Variants in NBPF12 observed in about 807,000 individuals in gnomAD.
NBPF12 encodes the protein NBPF family member NBPF12.
A neutral mutation model predicts 146.4 loss-of-function variants in NBPF12; 115 were observed. That is an observed-to-expected ratio of 0.79 (90% CI 0.68 to 0.92). The LOEUF (loss-of-function observed/expected upper bound fraction) is 0.92, where lower values mean the gene tolerates loss of function less well. Among genes scored for constraint, NBPF12 ranks in the 40% least tolerant of loss-of-function variants. NBPF12 has a pLI of 0.00. For synonymous variants in NBPF12, 385 were observed against 508.9 expected (o/e 0.76, Z 3.28); for missense variants, 1,205 against 1,326.8 (o/e 0.91, Z 1.43).
rs1349801975 is a variant in NBPF12 at position 146,982,101 on chromosome 1, C to T, written c.2451-827C>T. Among the ~76,000 whole-genome samples, 770 of 148,292 alleles carry T rather than the reference C, an allele frequency of 5.2e-3. 6 individuals carry two copies. Among genetic ancestry groups the T allele is most frequent in the African/African-American group, 0.015 (584 of 38,344 alleles). The stretch of plus-strand genomic sequence containing the variant: ...CCATCCTGCTTTGTTCCATTGCTGG[C>T]GAGGAGCTGCGATCCTTTGGAGGAG... On this transcript the variant is annotated intron_variant, in intron 19 of 33. Coordinates refer to ENST00000617844, the Ensembl canonical transcript of NBPF12.
At chr1:146,944,819 C>T (rs1160623080), upstream of NBPF12, among the ~76,000 whole-genome samples, 1 of 151,584 alleles carries the variant, frequency 6.6e-6, no homozygotes, top group African/African-American at 2.4e-5. Flanking sequence ...ACTTCTCTCC[C>T]TTCCCTACTT....
At chr1:146,953,077 A>T (rs1183304723) in intron 2 of NBPF12, among the ~76,000 whole-genome samples, 3 of 149,518 alleles carry the variant, frequency 2.0e-5, no homozygotes, top group Admixed American at 1.4e-4. Flanking sequence ...GCTGGAGGTC[A>T]TGGCGGGAGA....
At chr1:146,983,053 T>C in exon 20 of NBPF12, 1 of 1,605,782 alleles carries the variant, frequency 6.2e-7, no homozygotes, top group Non-Finnish European at 8.5e-7. Context: ...TTTCACTCAT[T>C]AGAGGAACAG....
intron 12 of NBPF12, 133 bp from the exon 16 acceptor site, chr1:146,971,050 C>T (rs1656578993): frequency 4.2e-6 from 6 of 1,418,334 alleles, no homozygotes; most frequent in South Asian, 2.3e-5. Context: ...CCTGTTCCCT[C>T]TTAAAGGGAA....
rs1553885234 is a variant in NBPF12, at chr1:146,964,349, A to G, written c.494-8A>G. 1,036 of 1,602,910 alleles carry G rather than the reference A, an allele frequency of 6.5e-4. No individual in the cohort carries two copies. Among genetic ancestry groups the G allele is most frequent in the Non-Finnish European group, 8.1e-4 (952 of 1,171,796 alleles). The stretch of plus-strand genomic sequence containing the variant: ...GGACATATCTGAATGAACATTTTGT[A>G]TTTATAGAAAATGATGAAGATGAGG... On this transcript the variant is annotated splice_polypyrimidine_tract_variant and splice_region_variant and intron_variant, in intron 6 of 33. Coordinates refer to ENST00000617844, the Ensembl canonical transcript of NBPF12.
chr1:146,957,820 TAAAAA>T (rs1158677214), intron 2 of NBPF12, among the ~76,000 whole-genome samples: 2 of 99,162 alleles, frequency 2.0e-5, no homozygotes, highest in African/African-American at 7.3e-5. Context: ...CTCCGCCACT[TAAAAA>T]AGAAAAAAAA....
At chr1:146,952,478 G>A (rs1399025495) in intron 2 of NBPF12, among the ~76,000 whole-genome samples, 3 of 151,712 alleles carry the variant, frequency 2.0e-5, no homozygotes, top group Admixed American at 6.6e-5. Context: ...AAATAAACTG[G>A]CCCTTTATAA....
chr1:146,995,603 A>G (rs1159200651), exon 34 of NBPF12: 1 of 151,424 alleles, frequency 6.6e-6, no homozygotes, highest in Non-Finnish European at 1.5e-5. Flanking sequence ...TGGCTCAATG[A>G]TCTACATTCT....
At chr1:146,949,070 C>T (rs1439909425), upstream of NBPF12, among the ~76,000 whole-genome samples, 28 of 148,658 alleles carry the variant, frequency 1.9e-4, no homozygotes, top group South Asian at 8.7e-4. Flanking sequence ...TGTCCTGCCA[C>T]ATCCCCCTCT....
At chr1:146,984,661 A>G (rs1285859746) in intron 21 of NBPF12, among the ~76,000 whole-genome samples, 152 bp from the exon 25 acceptor site, 3 of 141,988 alleles carry the variant, frequency 2.1e-5, no homozygotes, top group Non-Finnish European at 3.0e-5. Context: ...GCCCTAGTCT[A>G]TCACAACATA....
chr1:146,939,205 G>C lies in NBPF12; in HGVS notation c.-822+223G>C, dbSNP rs1553882543. On this transcript the variant is annotated intron_variant, in intron 1 of 35. Transcript: ENST00000617931. ...CACAGCCCTCCTCTCGTGGGCGCTG[G>C]GGAAGAAACTCCCTGGCGGGTGTTC... is the stretch of plus-strand genomic sequence containing the variant. Among the ~76,000 whole-genome samples, 28 of 152,144 alleles carry C rather than the reference G, an allele frequency of 1.8e-4. No individual in the cohort carries two copies. The East Asian group carries it at 2.7e-3, about 15-fold the overall frequency.
At chr1:146,971,344 A>T in exon 13 of NBPF12, 1 of 1,611,810 alleles carries the variant, frequency 6.2e-7, no homozygotes, top group Non-Finnish European at 8.5e-7. Context: ...CTGGTTGTAG[A>T]CAGAGAATCC....
rs1162292819 is a variant in NBPF12, at chr1:146,969,581, C to T, written c.1291C>T (p.Gln431Ter). 3 of 1,609,984 alleles carry T rather than the reference C, an allele frequency of 1.9e-6. No individual in the cohort carries two copies. Among genetic ancestry groups the T allele is most frequent in the Admixed American group, 3.3e-5 (2 of 59,906 alleles). The change falls in exon 11 of 34, where the codon CAA becomes TAA. Residue 431 changes from glutamine (Q) to a stop codon, truncating the protein, a stop_gained. Coordinates refer to ENST00000617844, the Ensembl canonical transcript of NBPF12. LOFTEE classifies it high-confidence loss of function. ...GTGTAGACTGGCACAGCACCTTGTC[C>T]AAAAGCTCAGCCCAGGTAAGGTGGC...
intron 1 of NBPF12, among the ~76,000 whole-genome samples, chr1:146,940,973 A>G (rs1654774662): frequency 6.6e-6 from 1 of 152,080 alleles, no homozygotes; most frequent in East Asian, 1.9e-4. Flanking sequence ...GTAATACTTT[A>G]TTCTGGATAT....
At chr1:146,948,062 A>T (rs1462247077), upstream of NBPF12, among the ~76,000 whole-genome samples, 1 of 151,852 alleles carries the variant, frequency 6.6e-6, no homozygotes, top group Non-Finnish European at 1.5e-5. Context: ...TTGGGCTCGA[A>T]TGCAACGGCG....
upstream of NBPF12, among the ~76,000 whole-genome samples, chr1:146,947,758 G>C (rs1267947246): frequency 6.7e-6 from 1 of 149,796 alleles, no homozygotes; most frequent in Non-Finnish European, 1.5e-5. Context: ...TTTATGTAGT[G>C]GACTATTGTG....
At chr1:146,963,955 G>T (rs1231856902) in intron 6 of NBPF12, among the ~76,000 whole-genome samples, 1 of 131,524 alleles carries the variant, frequency 7.6e-6, no homozygotes, top group Non-Finnish European at 1.6e-5. Context: ...ATGACGAATA[G>T]AGGACTGTGG....
At chr1:146,984,324 G>A (rs1657578691) in intron 21 of NBPF12, 139 bp downstream of exon 24, 1 of 700,370 alleles carries the variant, frequency 1.4e-6, no homozygotes, top group Admixed American at 2.1e-5. Flanking sequence ...TTGTTTTTTG[G>A]TTCTCATTAG....
At position 146,965,905 on chromosome 1, in the gene NBPF12, C is replaced by G. The variant is rs1190670533; in HGVS notation, c.779-559C>G. Among the ~76,000 whole-genome samples, 55 of 148,758 alleles carry G rather than the reference C, an allele frequency of 3.7e-4. 1 individual carries two copies. The highest frequency in any genetic ancestry group is 1.3e-3 in the African/African-American group (54 of 40,288). On this transcript the variant is annotated intron_variant, in intron 8 of 33. Coordinates refer to ENST00000617844, the Ensembl canonical transcript of NBPF12. ...GGCGGAACACCTGAGCTCAGGAGAT[C>G]GAAACCAGCCTGTCCAAGATGGCGA...
Sources: allele counts gnomAD v4.1 joint callset (sites outside exome capture counted in the v4.1 genomes callset), GRCh38; gene constraint gnomAD v4.1.1; transcripts MANE v1.5; gene names NCBI Gene and HGNC (gene_info 2026-07-23, HGNC 2026-07-21).